The following TAF1 variants were observed in gnomAD, a reference collection of about 807,000 sequenced individuals.
TAF1 encodes transcription initiation factor TFIID subunit 1.
A neutral mutation model predicts 138.5 loss-of-function variants in TAF1; 2 were observed. The observed-to-expected ratio is 0.01, with a 90% CI of 0.01 to 0.05. The LOEUF (loss-of-function observed/expected upper bound fraction) is 0.05, where lower values mean the gene tolerates loss of function less well. TAF1 is among the 10% of genes least tolerant of loss of function. The pLI is 1.00. For missense variants in TAF1, 709 were observed against 1,478.0 expected, an observed-to-expected ratio of 0.48 and a Z score of 8.53; for synonymous variants, 437 against 503.2, an observed-to-expected ratio of 0.87 and a Z score of 1.76.
At chrX:71,405,377 A>T (rs1263786377) in intron 25 of TAF1, among the ~76,000 whole-genome samples, 1 of 108,243 alleles carries the variant, frequency 9.2e-6, no homozygotes, top group Non-Finnish European at 1.9e-5. Context: ...ATCCTTGTTG[A>T]TTTATTTTAT....
chrX:71,419,748 C>T (rs1189348217), intron 28 of TAF1, among the ~76,000 whole-genome samples: 2 of 111,157 alleles, frequency 1.8e-5, no homozygotes, highest in Non-Finnish European at 3.8e-5. Context: ...CTACCACCCA[C>T]ACCCACCTAC....
intron 32 of TAF1, among the ~76,000 whole-genome samples, chrX:71,445,477 A>G (rs1024160422): frequency 2.7e-5 from 3 of 111,503 alleles, no homozygotes; most frequent in Non-Finnish European, 5.6e-5. Flanking sequence ...ATGGATGTCC[A>G]GTTTTTCGTC....
intron 13 of TAF1, among the ~76,000 whole-genome samples, chrX:71,486,539 T>C (rs1355516091): frequency 1.9e-5 from 2 of 104,576 alleles, no homozygotes; most frequent in Admixed American, 1.0e-4. Context: ...TTTTTTTTTT[T>C]CTGTAGAGAC....
At chrX:71,375,877 AAGTAATTTATGAT>A (rs1302659031) in intron 4 of TAF1, among the ~76,000 whole-genome samples, 1 of 112,800 alleles carries the variant, frequency 8.9e-6, no homozygotes, top group Non-Finnish European at 1.9e-5. Flanking sequence ...AGAGTTTCTT[AAGTAATTTATGAT>A]ACAACTGATC....
intron 24 of TAF1, among the ~76,000 whole-genome samples, chrX:71,399,418 G>T (rs1248453025): frequency 9.5e-6 from 1 of 105,139 alleles, no homozygotes; most frequent in Non-Finnish European, 1.9e-5. Context: ...CACCATGCCT[G>T]GCTAATTTTT....
At position 71,475,323 on chromosome X, in the gene TAF1, C is replaced by T. The variant is rs900102789; in HGVS notation, c.1366+14520C>T. ...TAGAGGCGTCAGGCGCAGTGGCTCA[C>T]GCCTGTAATCCCAGCACTTTGGGAG... On this transcript the variant is annotated intron_variant and NMD_transcript_variant, in intron 13 of 14. Coordinates refer to the TAF1 transcript ENST00000373775. Among the ~76,000 whole-genome samples, 3 of 111,475 alleles carry T rather than the reference C, an allele frequency of 2.7e-5. No individual in the cohort carries two copies. In the Admixed American group the frequency reaches 2.9e-4, roughly 11 times the overall value.
downstream of TAF1, chrX:71,466,115 T>G (rs141560617): frequency 9.0e-6 from 1 of 111,554 alleles, no homozygotes; most frequent in Non-Finnish European, 1.9e-5. Flanking sequence ...ATTTGAGAGA[T>G]CTTTAGGGAG....
At chrX:71,452,519 C>T (rs1007975543) in intron 32 of TAF1, among the ~76,000 whole-genome samples, 5 of 109,444 alleles carry the variant, frequency 4.6e-5, no homozygotes, top group Non-Finnish European at 7.6e-5. Flanking sequence ...CGGGAAGAAG[C>T]GCTCCTCACT....
At chrX:71,369,606 T>C (rs1161957260) in intron 3 of TAF1, among the ~76,000 whole-genome samples, 2 of 92,252 alleles carry the variant, frequency 2.2e-5, no homozygotes, top group Non-Finnish European at 4.3e-5. Flanking sequence ...AGTGTGTTTC[T>C]TTTTTTTTTT....
At chrX:71,388,961 C>G in intron 17 of TAF1, 93 bp downstream of exon 17, 1 of 1,037,764 alleles carries the variant, frequency 9.6e-7, no homozygotes, top group Non-Finnish European at 1.3e-6. Context: ...GATTCTTTCT[C>G]TGACTGGCTT....
At chrX:71,462,303 C>T (rs1336606246) in intron 37 of TAF1, among the ~76,000 whole-genome samples, 5 of 106,482 alleles carry the variant, frequency 4.7e-5, no homozygotes, top group African/African-American at 6.6e-5. Context: ...TCCAGCCGGG[C>T]GCGGTGGCTC....
intron 13 of TAF1, among the ~76,000 whole-genome samples, chrX:71,487,117 A>C (rs1234295026): frequency 1.2e-5 from 1 of 82,433 alleles, no homozygotes; most frequent in African/African-American, 4.6e-5. Flanking sequence ...TTTTTTATCC[A>C]CCCCTCTTCC....
At chrX:71,393,201 G>A in intron 20 of TAF1, 100 bp from the exon 21 acceptor site, 1 of 1,109,824 alleles carries the variant, frequency 9.0e-7, no homozygotes, top group Non-Finnish European at 1.2e-6. Context: ...ACATTGGCTT[G>A]TCCTTTGAAA....
At chrX:71,392,384 G>A (rs1459056372) in intron 18 of TAF1, among the ~76,000 whole-genome samples, 185 bp from the exon 19 acceptor site, 1 of 111,866 alleles carries the variant, frequency 8.9e-6, no homozygotes, top group East Asian at 2.8e-4. Context: ...AGAGAACTGA[G>A]TACTAGGTAG....
At chrX:71,378,697 A>T (rs1480222831) in intron 7 of TAF1, 127 bp from the exon 8 acceptor site, 1 of 763,077 alleles carries the variant, frequency 1.3e-6, no homozygotes, top group Non-Finnish European at 1.9e-6. Context: ...TTCCTCCGTT[A>T]TCAGGTGGTT....
chrX:71,506,035 A>AATG, intron 13 of TAF1, among the ~76,000 whole-genome samples: 1 of 102,070 alleles, frequency 9.8e-6, no homozygotes, highest in South Asian at 4.7e-4. Flanking sequence ...TAATAATAAT[A>AATG]ATAATTTTTA....
Position 71,380,134 on chromosome X carries a change from G to A in TAF1, c.1360+1103G>A, listed in dbSNP as rs148807796. Among the ~76,000 whole-genome samples the A allele has an allele frequency of 7.0e-3, 776 of 111,154 alleles. 10 individuals carry two copies. Among genetic ancestry groups the A allele is most frequent in the African/African-American group, 0.024 (735 of 30,581 alleles). Reference sequence around the variant, plus strand: ...AGTTTTGGTGTATTTTCAGTGTTCTGTGTGTGTATGTAGTTGAGCTCATTT... The same window carrying A: ...AGTTTTGGTGTATTTTCAGTGTTCTATGTGTGTATGTAGTTGAGCTCATTT... On this transcript the variant is annotated intron_variant, in intron 8 of 37. Coordinates refer to ENST00000423759, the MANE Select transcript of TAF1 (RefSeq NM_004606.5).
intron 13 of TAF1, chrX:71,527,899 A>G: frequency 6.9e-6 from 1 of 145,529 alleles, no homozygotes; most frequent in East Asian, 1.8e-4. Context: ...ATGCTGACAT[A>G]AAACAAATGT....
rs1380025066 is a variant in TAF1, at chrX:71,382,987, T to G, written c.1774-4T>G. The G allele has an allele frequency of 8.3e-7, 1 of 1,204,759 alleles. No individual in the cohort carries two copies. The highest frequency in any genetic ancestry group is 1.1e-6 in the Non-Finnish European group (1 of 892,936). On this transcript the variant is annotated splice_polypyrimidine_tract_variant and splice_region_variant and intron_variant, in intron 11 of 37. Transcript: ENST00000423759. ...AATTTTAACCCTTCTATTTCCTGTT[T>G]TAGCATTCAATTCCTGCTGTGGAAT...
Sources: gnomAD v4.1 joint callset for allele counts (sites outside exome capture counted in the v4.1 genomes callset) on GRCh38, gnomAD v4.1.1 for gene constraint, MANE v1.5 for transcripts, NCBI Gene and HGNC (gene_info 2026-07-23, HGNC 2026-07-21) for gene names.